The following FAM91A1 variants were observed in gnomAD, a reference collection of about 807,000 sequenced individuals.
FAM91A1 encodes the protein family with sequence similarity 91 member A1, also known as protein FAM91A1.
FAM91A1 carries 41 observed loss-of-function variants against 113.5 expected under a neutral mutation model. That is an observed-to-expected ratio of 0.36 (90% CI 0.28 to 0.47). FAM91A1 has a LOEUF of 0.47. Among genes scored for constraint, FAM91A1 ranks in the 20% least tolerant of loss-of-function variants. The probability of loss-of-function intolerance (pLI) is 1.00; values close to 1 mark genes in which losing one functional copy is unlikely to be tolerated. For missense variants in FAM91A1, 696 were observed against 1,001.2 expected (o/e 0.70, Z 4.11); for synonymous variants, 307 against 347.9 (o/e 0.88, Z 1.31).
At chr8:123,776,100 T>A (rs541994305) in intron 3 of FAM91A1, among the ~76,000 whole-genome samples, 1 of 152,392 alleles carries the variant, frequency 6.6e-6, no homozygotes, top group Admixed American at 6.5e-5. Flanking sequence ...GTCTTGGCTG[T>A]TAATCTCTTT....
chr8:123,788,215 C>G (rs897596844), intron 14 of FAM91A1: 38 of 985,242 alleles, frequency 3.9e-5, no homozygotes, highest in Non-Finnish European at 4.2e-5. Context: ...TTGAAGACTT[C>G]AGCCATATTT....
intron 22 of FAM91A1, among the ~76,000 whole-genome samples, 173 bp from the exon 23 acceptor site, chr8:123,810,109 T>A (rs1815914595): frequency 6.6e-6 from 1 of 152,216 alleles, no homozygotes; most frequent in Admixed American, 6.5e-5. Flanking sequence ...CTCCCTATTA[T>A]TAAAACAAGC....
intron 8 of FAM91A1, among the ~76,000 whole-genome samples, chr8:123,781,409 G>C (rs1411814354): frequency 6.6e-6 from 1 of 151,610 alleles, no homozygotes; most frequent in East Asian, 1.9e-4. Flanking sequence ...AGCGTGTCCA[G>C]ACCTTTGGGT....
chr8:123,812,886 C>A lies in FAM91A1; in HGVS notation c.*182C>A. On this transcript the variant is annotated 3_prime_UTR_variant, in exon 24 of 24. Coordinates refer to ENST00000334705, the MANE Select transcript of FAM91A1 (RefSeq NM_144963.4). ...TTGCTCATTATTGCACATCTTATTGCGACAAAGTGCTTTTTAGCAGCCAGC... is the reference window on the plus strand; with the variant it reads ...TTGCTCATTATTGCACATCTTATTGAGACAAAGTGCTTTTTAGCAGCCAGC... 2.0e-6 allele frequency: 1 copy of A among 510,870 alleles called. No homozygotes were observed. The highest frequency in any genetic ancestry group is 3.3e-6 in the Non-Finnish European group (1 of 300,788). 31.6% of individuals were successfully genotyped at this position (510,870 alleles called of 1,614,324 possible). A position where few individuals can be genotyped will look rare whatever the true frequency, so the allele number is the denominator to read the frequency against.
Position 123,784,495 on chromosome 8 carries a change from G to T in FAM91A1, c.729G>T (p.Met243Ile). ...TTCCACCTCTTGAAGGTTTTGTAAT[G>T]AATCGAGTGCAAGGTGATTATTTTG... ...IAVPPLEGFV[M>I]NRVQGDYFET... The change falls in exon 9 of 24, where the codon ATG becomes ATT. Residue 243 changes from methionine (M) to isoleucine (I), a missense_variant. By Grantham distance (10) the Met-to-Ile change is conservative (BLOSUM62 1). Transcript: ENST00000334705. 1 of 1,604,788 alleles carries T rather than the reference G, an allele frequency of 6.2e-7. No individual in the cohort carries two copies. The highest frequency in any genetic ancestry group is 1.1e-5 in the South Asian group (1 of 88,362).
At position 123,803,266 on chromosome 8, in the gene FAM91A1, G is replaced by A. The variant is rs545896669; in HGVS notation, c.1810-2001G>A. 2.7e-5 allele frequency among the ~76,000 whole-genome samples: 4 copies of A among 150,924 alleles called. No individual in the cohort carries two copies. In the South Asian group the frequency reaches 8.4e-4, roughly 32 times the overall value. On this transcript the variant is annotated intron_variant, in intron 18 of 23. Coordinates refer to ENST00000334705, the MANE Select transcript of FAM91A1 (RefSeq NM_144963.4). ...TTTTTTTTTTTGGATGGGGGCTAGT[G>A]CAAAATATGGATAGAAAAACAAATC... is the stretch of plus-strand genomic sequence containing the variant.
At chr8:123,811,398 G>A (rs1000915429) in intron 23 of FAM91A1, 5 of 152,082 alleles carry the variant, frequency 3.3e-5, no homozygotes, top group Non-Finnish European at 1.5e-5. Flanking sequence ...AGGCAAAAAT[G>A]GAAATTTTAT....
At chr8:123,783,433 A>G (rs1407457709) in intron 8 of FAM91A1, among the ~76,000 whole-genome samples, 3 of 152,234 alleles carry the variant, frequency 2.0e-5, no homozygotes, top group East Asian at 1.9e-4. Flanking sequence ...CTAGATGACT[A>G]GAAATATAGG....
chr8:123,791,314 T>C (rs1048700571), intron 15 of FAM91A1, among the ~76,000 whole-genome samples: 3 of 151,966 alleles, frequency 2.0e-5, no homozygotes, highest in Admixed American at 6.6e-5. Flanking sequence ...TCCATTGCCC[T>C]GTCCCTATAT....
At chr8:123,777,377 C>A in intron 4 of FAM91A1, 55 bp downstream of exon 4, 1 of 1,468,698 alleles carries the variant, frequency 6.8e-7, no homozygotes, top group Non-Finnish European at 9.4e-7. Context: ...CTTTGTGCAT[C>A]CTGTCATCTG....
At chr8:123,810,726 C>A (rs1047946758) in intron 23 of FAM91A1, 30 of 230,118 alleles carry the variant, frequency 1.3e-4, no homozygotes, top group African/African-American at 6.4e-4. Flanking sequence ...GTGCTCTGGA[C>A]TTCTTGTTTT....
chr8:123,798,590 A>T (rs1815601681), intron 16 of FAM91A1, among the ~76,000 whole-genome samples: 1 of 152,252 alleles, frequency 6.6e-6, no homozygotes, highest in South Asian at 2.1e-4. Context: ...GATTCTGAAT[A>T]AGCCGAAAAG....
At chr8:123,782,609 G>A (rs13270541) in intron 8 of FAM91A1, among the ~76,000 whole-genome samples, 58,606 of 152,014 alleles carry the variant, frequency 0.39, 15,248 homozygotes, top group African/African-American at 0.74. Flanking sequence ...ATACCTGTAG[G>A]ATATAGAAAT....
intron 6 of FAM91A1, among the ~76,000 whole-genome samples, chr8:123,779,268 C>T (rs1815061671): frequency 6.6e-6 from 1 of 152,160 alleles, no homozygotes; most frequent in Admixed American, 6.5e-5. Context: ...GATTTTTTGG[C>T]AGTTCACCAT....
rs1286509771 is a variant in FAM91A1, at chr8:123,768,714, C to T, written c.12C>T (p.Asp4=). The T allele has an allele frequency of 6.2e-7, 1 of 1,608,030 alleles. No individual in the cohort carries two copies. The highest frequency in any genetic ancestry group is 8.5e-7 in the Non-Finnish European group (1 of 1,177,356). MNI[D]VEFHIRHNYP... The stretch of plus-strand genomic sequence containing the variant: ...CTGGCCGCGGCATCATGAACATAGA[C>T]GTGGAGTTCCACATCCGGCACAACT... The change falls in exon 1 of 24, where the codon GAC becomes GAT. Residue 4 remains aspartate, a synonymous_variant. Coordinates refer to ENST00000334705, the MANE Select transcript of FAM91A1 (RefSeq NM_144963.4).
intron 11 of FAM91A1, 110 bp downstream of exon 11, chr8:123,785,851 T>C: frequency 1.5e-6 from 1 of 667,678 alleles, no homozygotes; most frequent in Non-Finnish European, 2.4e-6. Context: ...AAAGTCTCTC[T>C]CTGTCATCCA....
At chr8:123,799,425 C>T in intron 16 of FAM91A1, 95 bp from the exon 17 acceptor site, 1 of 1,124,560 alleles carries the variant, frequency 8.9e-7, no homozygotes, top group Admixed American at 2.7e-5. Flanking sequence ...TTGCAGTTAA[C>T]ATTTATGTGA....
chr8:123,780,187 C>T (rs1317035673), intron 7 of FAM91A1, 112 bp downstream of exon 7: 1 of 909,256 alleles, frequency 1.1e-6, no homozygotes, highest in African/African-American at 1.7e-5. Flanking sequence ...GTTTCTAAGG[C>T]ATGTTATTGT....
At chr8:123,810,874 T>C (rs937522082) in intron 23 of FAM91A1, 2 of 163,214 alleles carry the variant, frequency 1.2e-5, no homozygotes, top group South Asian at 1.7e-4. Flanking sequence ...TTCATTCAGT[T>C]GGTAAATGCT....
Sources: allele counts gnomAD v4.1 joint callset (sites outside exome capture counted in the v4.1 genomes callset), GRCh38; gene constraint gnomAD v4.1.1; transcripts MANE v1.5; gene names NCBI Gene and HGNC (gene_info 2026-07-23, HGNC 2026-07-21).